Variants in KALRN observed in about 807,000 individuals in gnomAD.
The protein encoded by KALRN is kalirin RhoGEF kinase, also known as kalirin.
KALRN carries 70 observed loss-of-function variants against 353.7 expected under a neutral mutation model. The ratio of observed to expected loss-of-function variants is 0.20; its 90% CI spans 0.16 to 0.24. The LOEUF (loss-of-function observed/expected upper bound fraction) is 0.24, where lower values mean the gene tolerates loss of function less well. Ranked by LOEUF, KALRN falls within the 10% of genes least tolerant of loss-of-function variation. KALRN has a pLI of 1.00. For synonymous variants in KALRN, 1,391 were observed against 1,434.8 expected (o/e 0.97, Z 0.69); for missense variants, 2,791 against 3,756.7 (o/e 0.74, Z 6.72).
At chr3:124,139,984 T>C (rs1309443057) in intron 1 of KALRN, among the ~76,000 whole-genome samples, 1 of 152,220 alleles carries the variant, frequency 6.6e-6, no homozygotes, top group South Asian at 2.1e-4. Context: ...ATCTTTCATA[T>C]TGTACCCTAA....
chr3:124,654,234 A>T (rs909014622), intron 38 of KALRN, among the ~76,000 whole-genome samples: 2 of 152,166 alleles, frequency 1.3e-5, no homozygotes, highest in Non-Finnish European at 2.9e-5. Flanking sequence ...CTGTGGCCTA[A>T]AACACATGAT....
At chr3:124,617,342 G>A (rs1008175507) in intron 34 of KALRN, among the ~76,000 whole-genome samples, 1 of 152,094 alleles carries the variant, frequency 6.6e-6, no homozygotes, top group Non-Finnish European at 1.5e-5. Context: ...TCACACAAAT[G>A]AACAAAGAAT....
intron 2 of KALRN, among the ~76,000 whole-genome samples, chr3:124,232,952 A>C (rs2079339594): frequency 6.6e-6 from 1 of 152,122 alleles, no homozygotes; most frequent in South Asian, 2.1e-4. Context: ...CTTTAAAATC[A>C]TATAATAAAT....
At chr3:124,706,459 A>G (rs766795294) in intron 57 of KALRN, among the ~76,000 whole-genome samples, 6 of 152,230 alleles carry the variant, frequency 3.9e-5, no homozygotes, top group Non-Finnish European at 8.8e-5. Flanking sequence ...AGACTTAAAG[A>G]TACTGATTGT....
chr3:124,435,599 A>G (rs1207119680), intron 17 of KALRN, among the ~76,000 whole-genome samples: 2 of 152,226 alleles, frequency 1.3e-5, no homozygotes, highest in African/African-American at 4.8e-5. Flanking sequence ...TACAGGGACC[A>G]TCGGAAAGTC....
At chr3:124,496,836 G>A (rs944955094) in intron 33 of KALRN, among the ~76,000 whole-genome samples, 1 of 152,178 alleles carries the variant, frequency 6.6e-6, no homozygotes, top group African/African-American at 2.4e-5. Context: ...TTTGAGAAGA[G>A]CTCATCTCAA....
At chr3:124,654,416 T>C (rs950642287) in intron 38 of KALRN, among the ~76,000 whole-genome samples, 4 of 152,176 alleles carry the variant, frequency 2.6e-5, no homozygotes, top group African/African-American at 9.7e-5. Flanking sequence ...TTAAAAATGG[T>C]TACCACCCTT....
At chr3:124,670,252 G>T (rs139783079) in intron 47 of KALRN, among the ~76,000 whole-genome samples, 4,247 of 152,332 alleles carry the variant, frequency 0.028, 79 homozygotes, top group East Asian at 0.078. Context: ...CCAAAGTGCT[G>T]GGATTACAGG....
At chr3:124,596,339 C>T (rs957556329) in intron 34 of KALRN, among the ~76,000 whole-genome samples, 4 of 152,012 alleles carry the variant, frequency 2.6e-5, no homozygotes, top group African/African-American at 4.8e-5. Context: ...TGGTGGTGGT[C>T]GCCTGTAATC....
At chr3:124,338,070 A>G (rs2149486445) in intron 9 of KALRN, among the ~76,000 whole-genome samples, 1 of 151,144 alleles carries the variant, frequency 6.6e-6, no homozygotes, top group Middle Eastern at 3.4e-3. Flanking sequence ...TATTTTGTTA[A>G]TCTTTTCGAA....
rs149430902 is a variant in KALRN at position 124,169,606 on chromosome 3, C to T, written c.74-58384C>T. On this transcript the variant is annotated intron_variant, in intron 1 of 59. Coordinates refer to ENST00000682506, the MANE Select transcript of KALRN (RefSeq NM_001388419.1). ...GAAGGAGGATCCCCTGTCTCCCTGG[C>T]GCCTCATGTCCAGTGAAATGTTGTG... Among the ~76,000 whole-genome samples, 593 of 152,138 alleles carry T rather than the reference C, an allele frequency of 3.9e-3. 2 individuals carry two copies. The highest frequency in any genetic ancestry group is 4.5e-3 in the Non-Finnish European group (306 of 67,992).
chr3:124,149,501 A>T (rs541964404), intron 1 of KALRN, among the ~76,000 whole-genome samples: 1 of 152,092 alleles, frequency 6.6e-6, no homozygotes, highest in African/African-American at 2.4e-5. Flanking sequence ...TTTTTTTCCA[A>T]GTTTTGGAAG....
intron 12 of KALRN, among the ~76,000 whole-genome samples, chr3:124,398,199 C>G (rs1364364166): frequency 1.3e-5 from 2 of 152,190 alleles, no homozygotes; most frequent in Non-Finnish European, 2.9e-5. Flanking sequence ...AGCATACTTA[C>G]AATTTTGGCA....
intron 1 of KALRN, among the ~76,000 whole-genome samples, chr3:124,201,167 C>A (rs1579306763): frequency 6.6e-6 from 1 of 152,254 alleles, no homozygotes; most frequent in East Asian, 1.9e-4. Flanking sequence ...ACGTATAAGA[C>A]AACAGCCACC....
chr3:124,637,914 T>TA (rs2081549243), intron 37 of KALRN, among the ~76,000 whole-genome samples: 1 of 152,160 alleles, frequency 6.6e-6, no homozygotes, highest in Admixed American at 6.5e-5. Context: ...GTTGGAGGGA[T>TA]AGGTGATGAG....
intron 34 of KALRN, among the ~76,000 whole-genome samples, chr3:124,573,694 C>G (rs563288745): frequency 2.2e-4 from 33 of 152,160 alleles, no homozygotes; most frequent in African/African-American, 8.0e-4. Context: ...CCAGCACAAC[C>G]TCCTGTCTGC....
intron 1 of KALRN, among the ~76,000 whole-genome samples, chr3:124,156,422 C>T (rs1318651550): frequency 6.6e-6 from 1 of 152,130 alleles, no homozygotes; most frequent in Non-Finnish European, 1.5e-5. Flanking sequence ...AAACTTGGGG[C>T]CTGACAAACT....
intron 48 of KALRN, among the ~76,000 whole-genome samples, chr3:124,674,115 C>T (rs771567843): frequency 2.6e-5 from 4 of 152,034 alleles, no homozygotes; most frequent in Admixed American, 6.5e-5. Context: ...AGGTCAAAGG[C>T]GTGTTTATAC....
chr3:124,348,779 G>T (rs2082539576), intron 10 of KALRN, among the ~76,000 whole-genome samples: 1 of 152,144 alleles, frequency 6.6e-6, no homozygotes, highest in Non-Finnish European at 1.5e-5. Flanking sequence ...GTGCAGTGAT[G>T]TGATCGTGAC....
Sources: gnomAD v4.1 joint callset for allele counts (sites outside exome capture counted in the v4.1 genomes callset) on GRCh38, gnomAD v4.1.1 for gene constraint, MANE v1.5 for transcripts, NCBI Gene and HGNC (gene_info 2026-07-23, HGNC 2026-07-21) for gene names.